PMEPA1: variants seen among roughly 807,000 people sequenced by gnomAD.
PMEPA1 encodes protein TMEPAI.
Under a neutral mutation model 23.0 loss-of-function variants are expected in PMEPA1, and 11 were observed. The observed-to-expected ratio is 0.48, with a 90% CI of 0.30 to 0.79. PMEPA1 has a LOEUF of 0.79. Ranked by LOEUF, PMEPA1 falls within the 30% of genes least tolerant of loss-of-function variation. The pLI, the probability that PMEPA1 is intolerant of heterozygous loss-of-function variation, is 0.06. For missense variants in PMEPA1, 377 were observed against 390.9 expected (o/e 0.96, Z 0.30); for synonymous variants, 204 against 166.4 (o/e 1.23, Z -1.74).
At chr20:57,699,472 A>C (rs1255865518) in intron 1 of PMEPA1, among the ~76,000 whole-genome samples, 2 of 152,234 alleles carry the variant, frequency 1.3e-5, no homozygotes, top group African/African-American at 4.8e-5. Flanking sequence ...CAAAGACTCC[A>C]CATCTAGAAA....
At chr20:57,699,502 G>A (rs1408782437) in intron 1 of PMEPA1, among the ~76,000 whole-genome samples, 1 of 152,214 alleles carries the variant, frequency 6.6e-6, no homozygotes, top group Non-Finnish European at 1.5e-5. Context: ...CTATGTTAAA[G>A]AGCCCCAGGA....
In PMEPA1 at chr20:57,652,702, G is replaced by C. The variant is rs1293595218; in HGVS notation, c.319-104C>G. The C allele has an allele frequency of 9.3e-7, 1 of 1,075,612 alleles. No individual in the cohort carries two copies. 66.6% of individuals were successfully genotyped at this position (1,075,612 alleles called of 1,614,324 possible). On this transcript the variant is annotated intron_variant, in intron 3 of 3. Transcript: ENST00000341744. This position sits in a 1 kb window ranked among gnomAD's most constrained non-coding sequence, Gnocchi z 6.1. The stretch of plus-strand genomic sequence containing the variant: ...CTGCTGCATGGGACTTGGCTCTCTG[G>C]GGAAAGGGAGAGGGCAGCAGGGCTG...
At chr20:57,702,662 C>T (rs1483933549) in intron 1 of PMEPA1, among the ~76,000 whole-genome samples, 1 of 152,130 alleles carries the variant, frequency 6.6e-6, no homozygotes, top group African/African-American at 2.4e-5. Context: ...AGGGAGCTTG[C>T]GTTTGAATCC....
rs2146723004 is a variant in PMEPA1 at position 57,709,827 on chromosome 20, CG to C, written c.-246del. 1 of 984,720 alleles carries C rather than the reference CG, an allele frequency of 1.0e-6. No individual in the cohort carries two copies. The highest frequency in any genetic ancestry group is 4.6e-5 in the South Asian group (1 of 21,942). The allele number at this position is 984,720 out of a possible 1,614,324, so 61.0% of individuals were successfully genotyped here. A position where few individuals can be genotyped will look rare whatever the true frequency, so the allele number is the denominator to read the frequency against. ...GCCCCGGGGGCGTCGGCAGTGCCCG[CG>C]GGTGGCGTCCGGAAAATGGGCTGGC... On this transcript the variant is annotated 5_prime_UTR_variant, in exon 1 of 4. Transcript: ENST00000341744.
chr20:57,688,482 T>C (rs1440489985), intron 1 of PMEPA1, among the ~76,000 whole-genome samples: 1 of 152,098 alleles, frequency 6.6e-6, no homozygotes, highest in Admixed American at 6.5e-5. Context: ...ACACTGCCAA[T>C]GTCCCTAGGG....
At position 57,704,013 on chromosome 20, in the gene PMEPA1, G is replaced by A. The variant is rs1017451227; in HGVS notation, c.109+5461C>T. ...TGACGCCTCCATCCCTCTGGCCCTC[G>A]GTCTCACTCCTAACCCACCCACAGC... On this transcript the variant is annotated intron_variant, in intron 1 of 3. Coordinates refer to ENST00000341744, the MANE Select transcript of PMEPA1 (RefSeq NM_020182.5). The surrounding 1 kb of genome is among the most constrained non-coding windows in gnomAD (Gnocchi z 4.6). Among the ~76,000 whole-genome samples the A allele has an allele frequency of 2.1e-4, 32 of 152,148 alleles. No individual in the cohort carries two copies. Among genetic ancestry groups the A allele is most frequent in the African/African-American group, 6.0e-4 (25 of 41,502 alleles).
intron 1 of PMEPA1, among the ~76,000 whole-genome samples, chr20:57,674,607 A>G (rs1253031972): frequency 6.6e-6 from 1 of 152,258 alleles, no homozygotes; most frequent in African/African-American, 2.4e-5. Context: ...GGGACAGAAT[A>G]TTAGCAACCT....
chr20:57,652,446 C>T lies in PMEPA1; in HGVS notation c.471G>A (p.Glu157=). Reference sequence around the variant, plus strand: ...TGCAGGGGCCCTGGTAGGGTGGGGGCTCCTCCCCGTCTGACAGCGAGATGG... The same window carrying T: ...TGCAGGGGCCCTGGTAGGGTGGGGGTTCCTCCCCGTCTGACAGCGAGATGG... The part of the protein sequence containing the change: ...PPTISLSDGE[E]PPPYQGPCTL... The change falls in exon 4 of 4, where the codon GAG becomes GAA. Residue 157 remains glutamate, a synonymous_variant. Transcript: ENST00000341744. This position sits in a 1 kb window ranked among gnomAD's most constrained non-coding sequence, Gnocchi z 6.1. 2 of 1,613,174 alleles carry T rather than the reference C, an allele frequency of 1.2e-6. No individual in the cohort carries two copies. The highest frequency in any genetic ancestry group is 1.7e-6 in the Non-Finnish European group (2 of 1,179,538).
intron 1 of PMEPA1, chr20:57,690,559 C>CG (rs1361472480): frequency 2.4e-6 from 3 of 1,275,940 alleles, no homozygotes; most frequent in African/African-American, 1.5e-5. Context: ...TAGCAGGAGG[C>CG]GGGGTCTCCA....
intron 1 of PMEPA1, among the ~76,000 whole-genome samples, chr20:57,671,385 G>A (rs943635752): frequency 3.3e-5 from 5 of 152,146 alleles, no homozygotes; most frequent in Non-Finnish European, 4.4e-5. Flanking sequence ...GTCCGTGGTG[G>A]TGTTGACGGC....
intron 1 of PMEPA1, among the ~76,000 whole-genome samples, chr20:57,703,074 G>A (rs1358426527): frequency 6.6e-6 from 1 of 152,236 alleles, no homozygotes; most frequent in African/African-American, 2.4e-5. Flanking sequence ...GAGGTGTCAA[G>A]GTTTGGCTTT....
intron 1 of PMEPA1, among the ~76,000 whole-genome samples, chr20:57,671,168 A>G (rs1412600965): frequency 2.0e-5 from 3 of 152,240 alleles, no homozygotes; most frequent in African/African-American, 7.2e-5. Flanking sequence ...TGTCACTGAC[A>G]TCGAACACCT....
chr20:57,654,962 A>G (rs1382711161), intron 2 of PMEPA1, among the ~76,000 whole-genome samples: 1 of 73,038 alleles, frequency 1.4e-5, no homozygotes, highest in Middle Eastern at 6.8e-3. Flanking sequence ...ACACCCTGCC[A>G]CTCCTCTGCT....
At chr20:57,662,360 TCA>T (rs1275091713) in intron 1 of PMEPA1, among the ~76,000 whole-genome samples, 2 of 152,182 alleles carry the variant, frequency 1.3e-5, no homozygotes, top group Non-Finnish European at 2.9e-5. Flanking sequence ...AGACACGGGC[TCA>T]GAGGGAAAAG....
chr20:57,666,807 C>T (rs1170392501), intron 1 of PMEPA1, among the ~76,000 whole-genome samples: 1 of 152,226 alleles, frequency 6.6e-6, no homozygotes, highest in Non-Finnish European at 1.5e-5. Flanking sequence ...GCCCTCTCCT[C>T]TGCCTCTTCC....
intron 1 of PMEPA1, among the ~76,000 whole-genome samples, chr20:57,674,507 G>A (rs532437221): frequency 6.6e-5 from 10 of 152,340 alleles, no homozygotes; most frequent in East Asian, 3.9e-4. Context: ...CAGACAGAGG[G>A]GGCTGAACAG....
In PMEPA1 at chr20:57,651,872, T is replaced by A; in HGVS notation, c.*181A>T. On this transcript the variant is annotated 3_prime_UTR_variant, in exon 4 of 4. Coordinates refer to ENST00000341744, the MANE Select transcript of PMEPA1 (RefSeq NM_020182.5). ...CTTTTTTCTTTTTTTTTTTGCAAGC[T>A]CTCTTAGCTTGTGCATTCAGACCAG... 1 of 376,196 alleles carries A rather than the reference T, an allele frequency of 2.7e-6. No individual in the cohort carries two copies. Among genetic ancestry groups the A allele is most frequent in the East Asian group, 3.9e-5 (1 of 25,908 alleles). 23.3% of individuals were successfully genotyped at this position (376,196 alleles called of 1,614,324 possible).
intron 1 of PMEPA1, chr20:57,699,963 A>G (rs1052707069): frequency 1.3e-5 from 6 of 459,618 alleles, no homozygotes; most frequent in Admixed American, 7.2e-5. Flanking sequence ...CATAAAATAC[A>G]AATGTATATT....
At chr20:57,686,422 C>T (rs2071801895) in intron 1 of PMEPA1, among the ~76,000 whole-genome samples, 2 of 152,166 alleles carry the variant, frequency 1.3e-5, no homozygotes, top group Admixed American at 6.5e-5. Flanking sequence ...GTCCTCCCTT[C>T]CTTCCTTTTT....
Sources: gnomAD v4.1 joint callset for allele counts (sites outside exome capture counted in the v4.1 genomes callset) on GRCh38, gnomAD v4.1.1 for gene constraint, Gnocchi (gnomAD v3.1) non-coding constraint, MANE v1.5 for transcripts, NCBI Gene and HGNC (gene_info 2026-07-23, HGNC 2026-07-21) for gene names.